ANXA11: variants seen among roughly 807,000 people sequenced by gnomAD.
ANXA11 encodes the protein annexin A11, also known as 56 kDa autoantigen.
Under a neutral mutation model 64.7 loss-of-function variants are expected in ANXA11, and 57 were observed. The ratio of observed to expected loss-of-function variants is 0.88; its 90% CI spans 0.71 to 1.10. The LOEUF (loss-of-function observed/expected upper bound fraction) is 1.10. Among genes scored for constraint, ANXA11 ranks in the 50% least tolerant of loss-of-function variants. The probability of loss-of-function intolerance (pLI) is 0.00; values close to 1 mark genes in which losing one functional copy is unlikely to be tolerated. For missense variants in ANXA11, 675 were observed against 670.7 expected, an observed-to-expected ratio of 1.01 and a Z score of -0.07; for synonymous variants, 260 against 265.2, an observed-to-expected ratio of 0.98 and a Z score of 0.19.
At chr10:80,173,199 T>C (rs1317502526) in intron 2 of ANXA11, among the ~76,000 whole-genome samples, 1 of 152,252 alleles carries the variant, frequency 6.6e-6, no homozygotes, top group African/African-American at 2.4e-5. Context: ...AAGGGTGCAG[T>C]GCGCCTCTGG....
At chr10:80,173,278 T>A (rs1846048704) in intron 2 of ANXA11, among the ~76,000 whole-genome samples, 1 of 152,240 alleles carries the variant, frequency 6.6e-6, no homozygotes, top group South Asian at 2.1e-4. Flanking sequence ...TGTCTATTTA[T>A]CTTCCTGTGT....
chr10:80,170,662 T>C (rs1026425936), intron 4 of ANXA11, 138 bp downstream of exon 4: 1 of 549,056 alleles, frequency 1.8e-6, no homozygotes, highest in Non-Finnish European at 2.8e-6. Flanking sequence ...AACCCTGTTC[T>C]AAGGTACAGC....
Position 80,155,878 on chromosome 10 carries a change from A to G in ANXA11, c.1493T>C (p.Leu498Pro), listed in dbSNP as rs200609038. The change falls in exon 16 of 16, where the codon CTG (leucine) becomes CCG (proline). Residue 498 changes from leucine (L) to proline (P), a missense_variant. By Grantham distance (98) the Leu-to-Pro change is moderately conservative (BLOSUM62 -3). Coordinates refer to ENST00000422982, the MANE Select transcript of ANXA11 (RefSeq NM_145868.2). ...TCAGTCATTGCCACCACAGATCTTC[A>G]GCAGAATCTTCCGGTAATCCCCTGA... ...DTSGDYRKILLKICGGND is the reference protein window; with the variant it reads ...DTSGDYRKILPKICGGND 4 of 1,614,244 alleles carry G rather than the reference A, an allele frequency of 2.5e-6. No homozygotes were observed. The highest frequency in any genetic ancestry group is 4.5e-5 in the East Asian group (2 of 44,886).
chr10:80,163,272 G>A, intron 11 of ANXA11, 77 bp downstream of exon 11: 6 of 1,538,732 alleles, frequency 3.9e-6, no homozygotes, highest in Non-Finnish European at 3.6e-6. Flanking sequence ...TCCACCCTAG[G>A]GTACCTCTCT....
At chr10:80,198,711 C>T (rs570395473) in intron 1 of ANXA11, among the ~76,000 whole-genome samples, 1 of 152,020 alleles carries the variant, frequency 6.6e-6, no homozygotes, top group East Asian at 1.9e-4. Flanking sequence ...ACACACTTAA[C>T]CTCGACCCTG....
intron 3 of ANXA11, 80 bp downstream of exon 3, chr10:80,172,727 A>C (rs1846026650): frequency 7.1e-7 from 1 of 1,401,788 alleles, no homozygotes; most frequent in Admixed American, 1.7e-5. Context: ...GGAGTGAGGA[A>C]ACTACTGTTC....
chr10:80,172,762 TAC>T (rs1564613802), intron 3 of ANXA11, 43 bp downstream of exon 3: 15 of 1,589,224 alleles, frequency 9.4e-6, no homozygotes, highest in Non-Finnish European at 1.2e-5. Flanking sequence ...CCAGCCACTG[TAC>T]AGAGGCAGCA....
At chr10:80,182,517 G>T (rs1846392865) in intron 1 of ANXA11, among the ~76,000 whole-genome samples, 1 of 152,060 alleles carries the variant, frequency 6.6e-6, no homozygotes, top group Non-Finnish European at 1.5e-5. Flanking sequence ...GTTTATACAT[G>T]CTCAGATATA....
Position 80,155,728 on chromosome 10 carries a change from G to GCCA in ANXA11, c.*124_*125insTGG. The GCCA allele has an allele frequency of 2.1e-6, 2 of 971,220 alleles. No homozygotes were observed. The highest frequency in any genetic ancestry group is 1.7e-5 in the Admixed American group (1 of 57,190). The allele number at this position is 971,220 out of a possible 1,614,324, so 60.2% of individuals were successfully genotyped here. On this transcript the variant is annotated 3_prime_UTR_variant, in exon 16 of 16. Transcript: ENST00000422982. ...ACGGGTCAGGAGGGGTGGAAGACAG[G>GCCA]CCTAAGCTCTAGGACGGTGAATCTC...
In ANXA11 at chr10:80,163,242, A is replaced by T; in HGVS notation, c.1086+107T>A. The T allele has an allele frequency of 3.1e-6, 4 of 1,273,130 alleles. No homozygotes were observed. In the South Asian group the frequency reaches 5.0e-5, roughly 16 times the overall value. The allele number at this position is 1,273,130 out of a possible 1,614,324, so 78.9% of individuals were successfully genotyped here. On this transcript the variant is annotated intron_variant, in intron 11 of 15. Transcript: ENST00000422982. ...CTGAAACTCACAGCATCTGCAACCC[A>T]CTGCTTATCTATTGTTCTTTCCACC...
intron 1 of ANXA11, among the ~76,000 whole-genome samples, chr10:80,203,183 C>T (rs958292929): frequency 8.5e-5 from 13 of 152,072 alleles, no homozygotes; most frequent in African/African-American, 2.9e-4. Flanking sequence ...AGCTCCTGCC[C>T]ACACCAGTTT....
intron 1 of ANXA11, among the ~76,000 whole-genome samples, chr10:80,188,322 T>A (rs1846624177): frequency 6.6e-6 from 1 of 151,848 alleles, no homozygotes; most frequent in Admixed American, 6.6e-5. Context: ...TACACAGGGT[T>A]TGGAGTCCAG....
In ANXA11 at chr10:80,164,096, G is replaced by A; in HGVS notation, c.906C>T (p.Arg302=). 1 of 1,614,166 alleles carries A rather than the reference G, an allele frequency of 6.2e-7. No individual in the cohort carries two copies. The highest frequency in any genetic ancestry group is 8.5e-7 in the Non-Finnish European group (1 of 1,180,006). ...TTAATTCTCGGATGTGCTCATTGCT[G>A]CGGGAAGCGAGGATCTCAATCAGGC... is the stretch of plus-strand genomic sequence containing the variant. ...EACLIEILAS[R]SNEHIRELNR... is the part of the protein sequence containing the mutation. Residue 302 remains arginine, a synonymous_variant, in exon 9 of 16, where the codon CGC becomes CGT. Coordinates refer to ENST00000422982, the MANE Select transcript of ANXA11 (RefSeq NM_145868.2).
intron 1 of ANXA11, among the ~76,000 whole-genome samples, chr10:80,196,400 CT>C (rs772779370): frequency 3.9e-4 from 60 of 152,308 alleles, no homozygotes; most frequent in Non-Finnish European, 5.6e-4. Flanking sequence ...ATACTGAATA[CT>C]GGCAGGAACC....
chr10:80,201,381 G>A (rs1840414426), intron 1 of ANXA11, among the ~76,000 whole-genome samples: 1 of 151,964 alleles, frequency 6.6e-6, no homozygotes, highest in Admixed American at 6.6e-5. Context: ...CTTCAATCTC[G>A]CTGTGCCCAT....
chr10:80,157,467 C>T lies in ANXA11; in HGVS notation c.1458+174G>A, dbSNP rs1005098287. ...CGACAGCAAGGTCATGATCCACCTGCCCTCAGAAATTTATAATCTGTTTAA... is the reference window on the plus strand; with the variant it reads ...CGACAGCAAGGTCATGATCCACCTGTCCTCAGAAATTTATAATCTGTTTAA... On this transcript the variant is annotated intron_variant, in intron 15 of 15. Transcript: ENST00000422982. The T allele has an allele frequency of 1.3e-5, 13 of 985,242 alleles. No homozygotes were observed. In the South Asian group the frequency reaches 1.9e-4, roughly 14 times the overall value. 61.0% of individuals were successfully genotyped at this position (985,242 alleles called of 1,614,324 possible).
chr10:80,188,305 G>A (rs1453160778), intron 1 of ANXA11, among the ~76,000 whole-genome samples: 1 of 151,854 alleles, frequency 6.6e-6, no homozygotes, highest in Non-Finnish European at 1.5e-5. Flanking sequence ...CTAGGCCACT[G>A]GGATGGTACA....
intron 7 of ANXA11, chr10:80,166,598 T>C (rs1253001164): frequency 1.6e-5 from 8 of 490,930 alleles, no homozygotes; most frequent in Non-Finnish European, 2.9e-5. Flanking sequence ...AGGGTGGTCA[T>C]GAAGAGGGCA....
chr10:80,175,079 T>C (rs1246588995), intron 2 of ANXA11, among the ~76,000 whole-genome samples: 1 of 152,160 alleles, frequency 6.6e-6, no homozygotes, highest in East Asian at 1.9e-4. Flanking sequence ...TCTGAGCCCC[T>C]AAGCACGTGG....
Sources: allele counts gnomAD v4.1 joint callset (sites outside exome capture counted in the v4.1 genomes callset), GRCh38; gene constraint gnomAD v4.1.1; transcripts MANE v1.5; gene names NCBI Gene and HGNC (gene_info 2026-07-23, HGNC 2026-07-21).